Variants in IP6K1 observed in about 807,000 individuals in gnomAD.
IP6K1 encodes the protein inositol hexakisphosphate kinase 1.
A neutral mutation model predicts 38.3 loss-of-function variants in IP6K1; 13 were observed. The observed-to-expected ratio is 0.34, with a 90% CI of 0.22 to 0.54. IP6K1 has a LOEUF of 0.54. Among genes scored for constraint, IP6K1 ranks in the 20% least tolerant of loss-of-function variants. The pLI, the probability that IP6K1 is intolerant of heterozygous loss-of-function variation, is 0.92. For synonymous variants in IP6K1, 212 were observed against 229.9 expected (o/e 0.92, Z 0.70); for missense variants, 397 against 599.8 (o/e 0.66, Z 3.53).
chr3:49,780,158 C>G, intron 1 of IP6K1, among the ~76,000 whole-genome samples: 1 of 151,962 alleles, frequency 6.6e-6, no homozygotes, highest in East Asian at 1.9e-4. Context: ...AAGAGATCAG[C>G]AGATTTTCTA....
chr3:49,779,241 T>G (rs926665219), intron 1 of IP6K1, among the ~76,000 whole-genome samples: 1 of 152,238 alleles, frequency 6.6e-6, no homozygotes, highest in African/African-American at 2.4e-5. Flanking sequence ...TGAACTTTTG[T>G]ATCTGACTTC....
intron 1 of IP6K1, among the ~76,000 whole-genome samples, chr3:49,782,461 G>A (rs527567839): frequency 3.9e-5 from 6 of 152,020 alleles, no homozygotes; most frequent in Non-Finnish European, 5.9e-5. Context: ...GAGCCACCGC[G>A]CCCGGCCTGG....
chr3:49,769,332 G>A (rs930209577), intron 1 of IP6K1, among the ~76,000 whole-genome samples: 2 of 152,104 alleles, frequency 1.3e-5, no homozygotes, highest in Non-Finnish European at 2.9e-5. Flanking sequence ...AAACAATAAA[G>A]TTGGGTTATT....
intron 2 of IP6K1, among the ~76,000 whole-genome samples, chr3:49,747,532 G>A (rs1295988400): frequency 1.3e-5 from 2 of 152,080 alleles, no homozygotes; most frequent in Non-Finnish European, 2.9e-5. Context: ...TCCCAGACTA[G>A]TGTCACAGCA....
In IP6K1 at chr3:49,738,449, C is replaced by T. The variant is rs750077908; in HGVS notation, c.224-27G>A. On this transcript the variant is annotated intron_variant, in intron 2 of 5. Coordinates refer to ENST00000321599, the MANE Select transcript of IP6K1 (RefSeq NM_153273.4). ...TGTTAAAAAAAGGGCAGTTGGTAAA[C>T]AAATGTCAACACAGGCCGAGTCTAT... 3.8e-6 allele frequency: 6 copies of T among 1,564,900 alleles called. No homozygotes were observed. In the African/African-American group the frequency reaches 6.8e-5, roughly 18 times the overall value.
At chr3:49,734,565 C>T (rs77810563) in intron 3 of IP6K1, among the ~76,000 whole-genome samples, 1 of 88,614 alleles carries the variant, frequency 1.1e-5, no homozygotes, top group Non-Finnish European at 3.1e-5. Flanking sequence ...CTAACCCTCT[C>T]CAAGGGTCAG....
In IP6K1 at chr3:49,727,508, T is replaced by C; in HGVS notation, c.940A>G (p.Lys314Glu). 6.2e-7 allele frequency: 1 copy of C among 1,614,190 alleles called. No homozygotes were observed. The highest frequency in any genetic ancestry group is 8.5e-7 in the Non-Finnish European group (1 of 1,180,028). Residue 314 changes from lysine to glutamate, a missense_variant, in exon 6 of 6, where the codon AAA becomes GAA. By Grantham distance (56) the Lys-to-Glu change is moderately conservative. Coordinates refer to ENST00000321599, the MANE Select transcript of IP6K1 (RefSeq NM_153273.4). This position sits in a 1 kb window ranked among gnomAD's most constrained non-coding sequence, Gnocchi z 5.9. ...AGCACAGCTTTCAGGCCCCGCAGTT[T>C]GCTCAGGATAGGCTCAAACAGGTCA... ...RRDLFEPILSKLRGLKAVLER... is the reference protein window; with the variant it reads ...RRDLFEPILSELRGLKAVLER...
chr3:49,740,116 A>G (rs1259322000), intron 2 of IP6K1, among the ~76,000 whole-genome samples: 3 of 152,212 alleles, frequency 2.0e-5, no homozygotes, highest in Admixed American at 6.6e-5. Context: ...ACAGGAGTTC[A>G]AGACCAGCCT....
chr3:49,760,869 G>C (rs888496855), intron 1 of IP6K1, among the ~76,000 whole-genome samples: 7 of 152,076 alleles, frequency 4.6e-5, no homozygotes, highest in Non-Finnish European at 1.0e-4. Flanking sequence ...CCTTCAATGT[G>C]CCAATTCACC....
intron 1 of IP6K1, among the ~76,000 whole-genome samples, chr3:49,784,186 G>A (rs904438866): frequency 6.6e-6 from 1 of 151,822 alleles, no homozygotes; most frequent in African/African-American, 2.4e-5. Flanking sequence ...AGTAGACATG[G>A]GATTTTGCCA....
At chr3:49,778,994 ACAATT>A (rs2081042969) in intron 1 of IP6K1, among the ~76,000 whole-genome samples, 1 of 152,218 alleles carries the variant, frequency 6.6e-6, no homozygotes, top group Non-Finnish European at 1.5e-5. Context: ...ATTAAGGTGT[ACAATT>A]CAATGATTTT....
intron 1 of IP6K1, among the ~76,000 whole-genome samples, chr3:49,763,104 CTTTTTTTTTTTT>C (rs1217162043): frequency 7.3e-6 from 1 of 137,594 alleles, no homozygotes; most frequent in Non-Finnish European, 1.6e-5. Flanking sequence ...TCAATTATTT[CTTTTTTTTTTTT>C]TTTTTGAGAC....
chr3:49,737,835 G>C (rs1232151085), intron 3 of IP6K1, among the ~76,000 whole-genome samples: 3 of 152,218 alleles, frequency 2.0e-5, no homozygotes, highest in Non-Finnish European at 2.9e-5. Context: ...TGGACTCATA[G>C]CCCTTGGGCT....
Position 49,765,504 on chromosome 3 carries a change from G to T in IP6K1, c.-128-17336C>A, listed in dbSNP as rs2108253242. On this transcript the variant is annotated intron_variant, in intron 1 of 5. Transcript: ENST00000321599. ...AAAAAAAAAAAAAAAAAAAAAATTA[G>T]CAGGGCATGGTGGCACGTGCCTGTA... is the stretch of plus-strand genomic sequence containing the variant. 2.8e-5 allele frequency among the ~76,000 whole-genome samples: 4 copies of T among 143,382 alleles called. 1 individual carries two copies. The South Asian group carries it at 8.8e-4, about 31-fold the overall frequency. The allele number at this position is 143,382 out of a possible 152,430, so 94.1% of individuals were successfully genotyped here.
At chr3:49,752,182 T>A (rs7429338) in intron 1 of IP6K1, among the ~76,000 whole-genome samples, 129,607 of 150,976 alleles carry the variant, frequency 0.86, 55,698 homozygotes, top group East Asian at 0.99. Context: ...CTTAAAAAAA[T>A]TTTTTTTTTT....
intron 1 of IP6K1, among the ~76,000 whole-genome samples, chr3:49,782,886 G>C (rs2081078630): frequency 6.7e-6 from 1 of 149,828 alleles, no homozygotes; most frequent in South Asian, 2.1e-4. Flanking sequence ...AAGGTGGGTG[G>C]ATCACTTGAG....
At chr3:49,770,020 C>G (rs1378647832) in intron 1 of IP6K1, among the ~76,000 whole-genome samples, 1 of 151,842 alleles carries the variant, frequency 6.6e-6, no homozygotes, top group East Asian at 1.9e-4. Flanking sequence ...TCAAAACCAG[C>G]CTGGGCAACA....
intron 1 of IP6K1, among the ~76,000 whole-genome samples, chr3:49,777,703 A>C (rs1424454320): frequency 6.6e-6 from 1 of 151,896 alleles, no homozygotes; most frequent in Non-Finnish European, 1.5e-5. Flanking sequence ...TCACAAGGTC[A>C]GGAGATCGAG....
chr3:49,735,875 C>A (rs1446311141), intron 3 of IP6K1, among the ~76,000 whole-genome samples: 1 of 152,276 alleles, frequency 6.6e-6, no homozygotes, highest in East Asian at 1.9e-4. Context: ...TAAGGAAATT[C>A]CCAATTTCAG....
Sources: gnomAD v4.1 joint callset for allele counts (sites outside exome capture counted in the v4.1 genomes callset) on GRCh38, gnomAD v4.1.1 for gene constraint, Gnocchi (gnomAD v3.1) non-coding constraint, MANE v1.5 for transcripts, NCBI Gene and HGNC (gene_info 2026-07-23, HGNC 2026-07-21) for gene names.